The following PLEKHG3 variants were observed in gnomAD, a reference collection of about 807,000 sequenced individuals.
The protein encoded by PLEKHG3 is pleckstrin homology domain-containing family G member 3.
A neutral mutation model predicts 94.9 loss-of-function variants in PLEKHG3; 62 were observed. That is an observed-to-expected ratio of 0.65 (90% CI 0.53 to 0.81). PLEKHG3 has a LOEUF of 0.81. Among genes scored for constraint, PLEKHG3 ranks in the 30% least tolerant of loss-of-function variants. The probability of loss-of-function intolerance (pLI) is 0.00; values close to 1 mark genes in which losing one functional copy is unlikely to be tolerated. For synonymous variants in PLEKHG3, 614 were observed against 654.0 expected, an observed-to-expected ratio of 0.94 and a Z score of 0.93; for missense variants, 1,461 against 1,619.3, an observed-to-expected ratio of 0.90 and a Z score of 1.68.
intron 1 of PLEKHG3, among the ~76,000 whole-genome samples, chr14:64,724,177 C>T (rs1188938125): frequency 1.3e-5 from 2 of 152,046 alleles, no homozygotes; most frequent in Non-Finnish European, 2.9e-5. Context: ...GAGCTACACA[C>T]ACATAATGGT....
intron 1 of PLEKHG3, among the ~76,000 whole-genome samples, chr14:64,714,700 G>A (rs1468917064): frequency 6.6e-6 from 1 of 152,184 alleles, no homozygotes; most frequent in Non-Finnish European, 1.5e-5. Flanking sequence ...TCTGGGCTGG[G>A]TATGACCAGG....
intron 16 of PLEKHG3, 25 bp downstream of exon 16, chr14:64,742,480 C>T: frequency 6.5e-7 from 1 of 1,536,944 alleles, no homozygotes; most frequent in Non-Finnish European, 8.8e-7. Flanking sequence ...GCAAGTGGGC[C>T]CTTCCCCAAG....
chr14:64,711,419 T>G (rs78100028), intron 1 of PLEKHG3, among the ~76,000 whole-genome samples: 7 of 113,744 alleles, frequency 6.2e-5, no homozygotes, highest in East Asian at 2.0e-4. Flanking sequence ...TTTTTTTTTG[T>G]TTTTTTTTTT....
At chr14:64,719,290 T>A (rs2081223249) in intron 1 of PLEKHG3, among the ~76,000 whole-genome samples, 1 of 152,130 alleles carries the variant, frequency 6.6e-6, no homozygotes, top group Non-Finnish European at 1.5e-5. Flanking sequence ...CAGAAAAATC[T>A]CATTGTCTTG....
chr14:64,732,999 C>A lies in PLEKHG3; in HGVS notation c.1345+98C>A. On this transcript the variant is annotated intron_variant, in intron 12 of 16. Coordinates refer to ENST00000247226, the MANE Select transcript of PLEKHG3 (RefSeq NM_001308147.2). This position sits in a 1 kb window ranked among gnomAD's most constrained non-coding sequence, Gnocchi z 4.9. ...GTGTCCAGGGCTGTGGCTCTCACCT[C>A]TGCGGAAACCCTGGGAAAGGCTAGA... is the stretch of plus-strand genomic sequence containing the variant. 1.3e-6 allele frequency: 1 copy of A among 742,986 alleles called. No individual in the cohort carries two copies. Among genetic ancestry groups the A allele is most frequent in the Non-Finnish European group, 2.3e-6 (1 of 435,040 alleles). The allele number at this position is 742,986 out of a possible 1,614,324, so 46.0% of individuals were successfully genotyped here.
rs185082517 is a variant in PLEKHG3 at position 64,728,625 on chromosome 14, G to A, written c.352-371G>A. The stretch of plus-strand genomic sequence containing the variant: ...CTATGCCTGTCATCCAGCTTCTGGG[G>A]TCCTGGCAGTCTTTGACATTGTTGG... On this transcript the variant is annotated intron_variant, in intron 2 of 16. Transcript: ENST00000247226. This position sits in a 1 kb window ranked among gnomAD's most constrained non-coding sequence, Gnocchi z 5.9. Among the ~76,000 whole-genome samples the A allele has an allele frequency of 6.6e-6, 1 of 152,284 alleles. No individual in the cohort carries two copies.
intron 16 of PLEKHG3, among the ~76,000 whole-genome samples, 198 bp downstream of exon 16, chr14:64,742,653 A>G (rs1379314386): frequency 6.6e-6 from 1 of 152,128 alleles, no homozygotes; most frequent in African/African-American, 2.4e-5. Context: ...TCTCTTGGTT[A>G]AGCCCTTTTG....
rs150172518 is a variant in PLEKHG3 at position 64,743,549 on chromosome 14, C to T, written c.3506C>T (p.Ser1169Leu). The change falls in exon 17 of 17, where the codon TCA becomes TTA. Residue 1169 changes from serine (S) to leucine (L), a missense_variant. By Grantham distance (145) the Ser-to-Leu change is moderately radical (BLOSUM62 -2). Transcript: ENST00000247226. The surrounding 1 kb of genome is among the most constrained non-coding windows in gnomAD (Gnocchi z 7.2). ...LEESSGQGPS[S>L]PVALLGQVQD... ...GAGAGCAGTGGCCAGGGACCAAGCT[C>T]ACCGGTGGCCCTGCTGGGGCAGGTT... The T allele has an allele frequency of 1.8e-3, 2,890 of 1,613,000 alleles. 8 individuals carry two copies. Among genetic ancestry groups the T allele is most frequent in the Non-Finnish European group, 2.2e-3 (2,643 of 1,179,936 alleles).
At chr14:64,740,108 T>G (rs1346959329) in intron 15 of PLEKHG3, among the ~76,000 whole-genome samples, 2 of 152,188 alleles carry the variant, frequency 1.3e-5, no homozygotes, top group Non-Finnish European at 2.9e-5. Context: ...GTCTTTGCAA[T>G]CTGGTGTGTA....
In PLEKHG3 at chr14:64,748,497, A is replaced by C. The variant is rs2081884421; in HGVS notation, c.*4794A>C. On this transcript the variant is annotated 3_prime_UTR_variant, in exon 17 of 17. Transcript: ENST00000247226. ...GCCCTGTGCCCTAGCCACGGTTTTC[A>C]ATGAGGAATGGTCTGACCTTGCTGC... 1 of 152,298 alleles carries C rather than the reference A, an allele frequency of 6.6e-6. No homozygotes were observed. The highest frequency in any genetic ancestry group is 2.4e-5 in the African/African-American group (1 of 41,438). The allele number at this position is 152,298 out of a possible 1,614,324, so 9.4% of individuals were successfully genotyped here.
rs935664281 is a variant in PLEKHG3, at chr14:64,736,999, A to G, written c.1384+108A>G. ...GACCTGAGGGTGGAGGATTGTCAGA[A>G]TAGTGTAGAGGGAACTCTGCCTCCA... On this transcript the variant is annotated intron_variant, in intron 13 of 16. Transcript: ENST00000247226. The G allele has an allele frequency of 2.3e-5, 20 of 869,910 alleles. 1 individual carries two copies. Among genetic ancestry groups the G allele is most frequent in the South Asian group, 1.6e-4 (12 of 73,474 alleles). 53.9% of individuals were successfully genotyped at this position (869,910 alleles called of 1,614,324 possible).
chr14:64,748,823 G>A lies in PLEKHG3; in HGVS notation c.*5120G>A, dbSNP rs2081891244. ...CTAGGGGGCTGGCCATGCATTTCCA[G>A]TGTCTTCTTCCTTTCCCCTTTCCCT... On this transcript the variant is annotated 3_prime_UTR_variant, in exon 17 of 17. Transcript: ENST00000247226. The A allele has an allele frequency of 6.1e-6, 1 of 164,140 alleles. No homozygotes were observed. The allele number at this position is 164,140 out of a possible 1,614,324, so 10.2% of individuals were successfully genotyped here.
chr14:64,720,790 T>C lies in PLEKHG3; in HGVS notation c.-39-6803T>C, dbSNP rs2081249629. Among the ~76,000 whole-genome samples, 1 of 152,238 alleles carries C rather than the reference T, an allele frequency of 6.6e-6. No individual in the cohort carries two copies. The highest frequency in any genetic ancestry group is 2.4e-5 in the African/African-American group (1 of 41,464). On this transcript the variant is annotated intron_variant, in intron 1 of 16. Transcript: ENST00000247226. This position sits in a 1 kb window ranked among gnomAD's most constrained non-coding sequence, Gnocchi z 4.1. ...TGGGTTTGCATGGCTGGGTTCCTTCTGCAGGATCCAGGGCAGAATTTGTTT... is the reference window on the plus strand; with the variant it reads ...TGGGTTTGCATGGCTGGGTTCCTTCCGCAGGATCCAGGGCAGAATTTGTTT...
rs2081431238 is a variant in PLEKHG3, at chr14:64,730,148, G to A, written c.450-95G>A. On this transcript the variant is annotated intron_variant, in intron 3 of 16. Transcript: ENST00000247226. This position sits in a 1 kb window ranked among gnomAD's most constrained non-coding sequence, Gnocchi z 5.4. ...GTTCTTTAGCAAAGCAATAGGGCTGGCTGTCAGTCAGGGTTTGGGAGGTTG... is the reference window on the plus strand; with the variant it reads ...GTTCTTTAGCAAAGCAATAGGGCTGACTGTCAGTCAGGGTTTGGGAGGTTG... 4.3e-6 allele frequency: 3 copies of A among 699,968 alleles called. No homozygotes were observed. Among genetic ancestry groups the A allele is most frequent in the African/African-American group, 1.8e-5 (1 of 56,982 alleles). The allele number at this position is 699,968 out of a possible 1,614,324, so 43.4% of individuals were successfully genotyped here.
intron 1 of PLEKHG3, among the ~76,000 whole-genome samples, chr14:64,708,827 C>T (rs751775403): frequency 2.0e-4 from 31 of 151,338 alleles, no homozygotes; most frequent in African/African-American, 7.3e-4. Flanking sequence ...GCCCCACCCC[C>T]CAAGTATGTC....
Position 64,710,862 on chromosome 14 carries a change from C to T in PLEKHG3, c.-40+6158C>T, listed in dbSNP as rs1406357568. ...GGTGTGGAGGGAATGACTTGGCACA[C>T]CTTGGGTGTCTGGGGATCATCAGTT... On this transcript the variant is annotated intron_variant, in intron 1 of 16. Coordinates refer to ENST00000247226, the MANE Select transcript of PLEKHG3 (RefSeq NM_001308147.2). 2.6e-5 allele frequency among the ~76,000 whole-genome samples: 4 copies of T among 151,288 alleles called. No homozygotes were observed. The East Asian group carries it at 7.8e-4, about 29-fold the overall frequency.
rs1027169849 is a variant in PLEKHG3, at chr14:64,743,532, T to C, written c.3489T>C (p.Ser1163=). Residue 1163 remains serine, a synonymous_variant, in exon 17 of 17, where the codon AGT becomes AGC. Transcript: ENST00000247226. This position sits in a 1 kb window ranked among gnomAD's most constrained non-coding sequence, Gnocchi z 7.2. ...CCACTGCAGGGCTGGAGGAGAGCAG[T>C]GGCCAGGGACCAAGCTCACCGGTGG... ...PSPTAGLEES[S]GQGPSSPVAL... The C allele has an allele frequency of 6.2e-7, 1 of 1,612,814 alleles. No individual in the cohort carries two copies. Among genetic ancestry groups the C allele is most frequent in the African/African-American group, 1.3e-5 (1 of 74,910 alleles).
Position 64,728,109 on chromosome 14 carries a change from T to G in PLEKHG3, c.351+127T>G. ...ACTGGGGTCTCCCACCCTCGCTGAC[T>G]GCACTGTGAAAGCTGTTGACCCCTG... On this transcript the variant is annotated intron_variant, in intron 2 of 16. Coordinates refer to ENST00000247226, the MANE Select transcript of PLEKHG3 (RefSeq NM_001308147.2). The surrounding 1 kb of genome is among the most constrained non-coding windows in gnomAD (Gnocchi z 5.9). 3.1e-6 allele frequency: 2 copies of G among 640,630 alleles called. No homozygotes were observed. The highest frequency in any genetic ancestry group is 2.1e-5 in the South Asian group (1 of 47,676). The allele number at this position is 640,630 out of a possible 1,614,324, so 39.7% of individuals were successfully genotyped here.
chr14:64,738,103 A>G lies in PLEKHG3; in HGVS notation c.1405-639A>G. On this transcript the variant is annotated intron_variant, in intron 14 of 16. Coordinates refer to ENST00000247226, the MANE Select transcript of PLEKHG3 (RefSeq NM_001308147.2). The surrounding 1 kb of genome is among the most constrained non-coding windows in gnomAD (Gnocchi z 4.8). The stretch of plus-strand genomic sequence containing the variant: ...CCCCCAGGCTCAGAGGAGGAGGAGG[A>G]GGAGCAGGAGGAGAGCCTGGCGGTG... 7.7e-7 allele frequency: 1 copy of G among 1,303,252 alleles called. No homozygotes were observed. Among genetic ancestry groups the G allele is most frequent in the Admixed American group, 2.2e-5 (1 of 45,018 alleles). The allele number at this position is 1,303,252 out of a possible 1,614,324, so 80.7% of individuals were successfully genotyped here. A position where few individuals can be genotyped will look rare whatever the true frequency, so the allele number is the denominator to read the frequency against.
Sources: allele counts gnomAD v4.1 joint callset (sites outside exome capture counted in the v4.1 genomes callset), GRCh38; gene constraint gnomAD v4.1.1; non-coding constraint Gnocchi (gnomAD v3.1); transcripts MANE v1.5; gene names NCBI Gene and HGNC (gene_info 2026-07-23, HGNC 2026-07-21).